Variants in LAPTM4B observed in about 807,000 individuals in gnomAD.
The protein encoded by LAPTM4B is lysosomal protein transmembrane 4 beta, also known as lysosomal-associated transmembrane protein 4B.
Under a neutral mutation model 28.5 loss-of-function variants are expected in LAPTM4B, and 26 were observed. The ratio of observed to expected loss-of-function variants is 0.91; its 90% CI spans 0.67 to 1.27. LAPTM4B has a LOEUF of 1.27. Among genes scored for constraint, LAPTM4B ranks in the 50% most tolerant of loss-of-function variants. The pLI is 0.00. For synonymous variants in LAPTM4B, 109 were observed against 106.4 expected, an observed-to-expected ratio of 1.02 and a Z score of -0.15; for missense variants, 288 against 285.8, an observed-to-expected ratio of 1.01 and a Z score of -0.06.
At chr8:97,839,518 C>T (rs6983596) in intron 6 of LAPTM4B, among the ~76,000 whole-genome samples, 4,344 of 152,202 alleles carry the variant, frequency 0.029, 203 homozygotes, top group African/African-American at 0.099. Context: ...TTAAATGTCC[C>T]GGTCTGCTGG....
At chr8:97,779,852 A>T (rs1427395438) in intron 1 of LAPTM4B, among the ~76,000 whole-genome samples, 1 of 151,776 alleles carries the variant, frequency 6.6e-6, no homozygotes, top group Admixed American at 6.6e-5. Context: ...AGGAGTTCAA[A>T]ACCAGTCTGG....
intron 6 of LAPTM4B, among the ~76,000 whole-genome samples, chr8:97,835,029 A>G (rs957226596): frequency 5.9e-5 from 9 of 152,206 alleles, no homozygotes; most frequent in African/African-American, 1.7e-4. Context: ...TGAGACTCTA[A>G]TGGGGGTTGG....
chr8:97,848,984 G>T (rs1352594375), intron 6 of LAPTM4B, among the ~76,000 whole-genome samples: 2 of 152,206 alleles, frequency 1.3e-5, no homozygotes, highest in African/African-American at 4.8e-5. Context: ...AGATGCTGTT[G>T]TTAGATACTG....
chr8:97,778,860 TCA>T (rs1489843495), intron 1 of LAPTM4B, among the ~76,000 whole-genome samples: 4 of 152,188 alleles, frequency 2.6e-5, no homozygotes, highest in South Asian at 2.1e-4. Context: ...TGAATTCGTC[TCA>T]GAGTGTGGTT....
chr8:97,819,987 G>A (rs1307270163), intron 5 of LAPTM4B, among the ~76,000 whole-genome samples: 1 of 151,932 alleles, frequency 6.6e-6, no homozygotes, highest in Non-Finnish European at 1.5e-5. Context: ...CGCCCACCTC[G>A]GCCTCCCAAA....
intron 5 of LAPTM4B, 28 bp downstream of exon 5, chr8:97,819,266 T>C (rs935870342): frequency 2.2e-6 from 3 of 1,353,498 alleles, no homozygotes; most frequent in East Asian, 4.6e-5. Flanking sequence ...ACTTATAGTC[T>C]AAAAATATTA....
At chr8:97,822,528 T>TTTTATTTATTTATTTA (rs57772211) in intron 5 of LAPTM4B, among the ~76,000 whole-genome samples, 2 of 143,324 alleles carry the variant, frequency 1.4e-5, no homozygotes, top group African/African-American at 5.0e-5. Context: ...ATGACTTCTA[T>TTTTATTTATTTATTTA]TTTATTTATT....
At chr8:97,807,964 A>T (rs79378132) in intron 2 of LAPTM4B, among the ~76,000 whole-genome samples, 11,966 of 150,918 alleles carry the variant, frequency 0.079, 660 homozygotes, top group Middle Eastern at 0.16. Context: ...CTGGGATTAT[A>T]GGTATGTGCC....
chr8:97,807,106 C>G (rs1816766652), intron 2 of LAPTM4B, among the ~76,000 whole-genome samples: 1 of 152,094 alleles, frequency 6.6e-6, no homozygotes. Flanking sequence ...AGCATGAAAA[C>G]AGACTAATAC....
intron 1 of LAPTM4B, among the ~76,000 whole-genome samples, chr8:97,785,236 C>T (rs1033546538): frequency 2.6e-5 from 4 of 152,074 alleles, no homozygotes; most frequent in African/African-American, 9.7e-5. Flanking sequence ...CAGGCGCAGG[C>T]CACCACGCCT....
At position 97,841,484 on chromosome 8, in the gene LAPTM4B, C is replaced by A. The variant is rs184982098; in HGVS notation, c.604-9913C>A. On this transcript the variant is annotated intron_variant, in intron 6 of 6. Transcript: ENST00000521545. ...CTGGGATTACAGGCGCCTGCCATCACGCCCAGCTAATTTTTGTAGTTTTAG... is the reference window on the plus strand; with the variant it reads ...CTGGGATTACAGGCGCCTGCCATCAAGCCCAGCTAATTTTTGTAGTTTTAG... 4.6e-5 allele frequency among the ~76,000 whole-genome samples: 7 copies of A among 152,080 alleles called. 1 individual carries two copies. Among genetic ancestry groups the A allele is most frequent in the Middle Eastern group, 3.2e-3 (1 of 314 alleles).
chr8:97,842,808 C>T (rs1230080083), intron 6 of LAPTM4B, among the ~76,000 whole-genome samples: 2 of 152,006 alleles, frequency 1.3e-5, no homozygotes, highest in Non-Finnish European at 2.9e-5. Flanking sequence ...TGAGCCACCG[C>T]GCCTGGCCTA....
At chr8:97,816,665 A>G (rs933846080) in intron 4 of LAPTM4B, among the ~76,000 whole-genome samples, 19 of 152,144 alleles carry the variant, frequency 1.2e-4, no homozygotes, top group African/African-American at 4.6e-4. Context: ...GCCTACCTAA[A>G]TTATAGTCCA....
At chr8:97,836,446 G>T (rs1788946635) in intron 6 of LAPTM4B, among the ~76,000 whole-genome samples, 1 of 152,170 alleles carries the variant, frequency 6.6e-6, no homozygotes, top group African/African-American at 2.4e-5. Flanking sequence ...CTCCCAAAGT[G>T]CTGGGATTAC....
chr8:97,791,393 C>A lies in LAPTM4B; in HGVS notation c.100-13960C>A, dbSNP rs184440779. On this transcript the variant is annotated intron_variant, in intron 1 of 6. Coordinates refer to ENST00000521545, the MANE Select transcript of LAPTM4B (RefSeq NM_018407.6). ...GTAGGTCTTTGCCTCTTCTGGGGGC[C>A]ATCCTTTGCCTTCTGTCCATTGTCT... 5.3e-5 allele frequency among the ~76,000 whole-genome samples: 8 copies of A among 152,320 alleles called. No individual in the cohort carries two copies. In the East Asian group the frequency reaches 1.5e-3, roughly 29 times the overall value.
intron 2 of LAPTM4B, among the ~76,000 whole-genome samples, chr8:97,814,685 G>A (rs1230673471): frequency 6.6e-6 from 1 of 151,904 alleles, no homozygotes; most frequent in Admixed American, 6.6e-5. Context: ...AGAAATGAAG[G>A]TTTTATTTTT....
At chr8:97,807,429 T>G (rs563097988) in intron 2 of LAPTM4B, among the ~76,000 whole-genome samples, 1 of 151,988 alleles carries the variant, frequency 6.6e-6, no homozygotes, top group East Asian at 1.9e-4. Context: ...TGCCTCAGAG[T>G]TGTTGTGAGG....
At chr8:97,791,237 C>T (rs1026882375) in intron 1 of LAPTM4B, among the ~76,000 whole-genome samples, 5 of 152,150 alleles carry the variant, frequency 3.3e-5, no homozygotes, top group African/African-American at 1.2e-4. Context: ...TTTAGGTCTC[C>T]ATTGTCCATC....
In LAPTM4B at chr8:97,805,264, AC is replaced by A. The variant is rs1237106991; in HGVS notation, c.100-88del. The A allele has an allele frequency of 5.6e-6, 4 of 713,662 alleles. No homozygotes were observed. The African/African-American group carries it at 7.4e-5, about 13-fold the overall frequency. The allele number at this position is 713,662 out of a possible 1,614,324, so 44.2% of individuals were successfully genotyped here. A position where few individuals can be genotyped will look rare whatever the true frequency, so the allele number is the denominator to read the frequency against. The stretch of plus-strand genomic sequence containing the variant: ...GAAGAAGTTGCCTGTGGCCAGCCTG[AC>A]TCCATGTGGTCAGTGTAATTTTCTA... On this transcript the variant is annotated intron_variant, in intron 1 of 6. Transcript: ENST00000521545.
Sources: allele counts gnomAD v4.1 joint callset (sites outside exome capture counted in the v4.1 genomes callset), GRCh38; gene constraint gnomAD v4.1.1; transcripts MANE v1.5; gene names NCBI Gene and HGNC (gene_info 2026-07-23, HGNC 2026-07-21).